The following AANAT variants were observed in gnomAD, a reference collection of about 807,000 sequenced individuals.
AANAT encodes the protein aralkylamine N-acetyltransferase.
AANAT carries 11 observed loss-of-function variants against 15.6 expected under a neutral mutation model. The observed-to-expected ratio is 0.71, with a 90% CI of 0.44 to 1.17. The LOEUF (loss-of-function observed/expected upper bound fraction) is 1.17. AANAT is among the 50% of genes most tolerant of loss of function. The probability of loss-of-function intolerance (pLI) is 0.00; values close to 1 mark genes in which losing one functional copy is unlikely to be tolerated. For synonymous variants in AANAT, 139 were observed against 131.5 expected (o/e 1.06, Z -0.39); for missense variants, 286 against 296.3 (o/e 0.97, Z 0.26).
At chr17:76,467,457 T>G (rs1033254748), upstream of AANAT, 2 of 811,464 alleles carry the variant, frequency 2.5e-6, no homozygotes, top group African/African-American at 3.7e-5. Context: ...ATCCCTTCTG[T>G]GCCCAGGGCA....
chr17:76,461,980 C>A (rs12946216), intron 2 of AANAT, among the ~76,000 whole-genome samples: 75,273 of 152,018 alleles, frequency 0.5, 20,598 homozygotes, highest in Non-Finnish European at 0.63. Context: ...GAAGCGGGAG[C>A]CATCCAGGGA....
intron 1 of AANAT, 140 bp from the exon 2 acceptor site, chr17:76,468,532 A>G: frequency 1.4e-6 from 1 of 704,342 alleles, no homozygotes; most frequent in South Asian, 2.0e-5. Flanking sequence ...CTCGGGGACC[A>G]GGTACCTGGG....
rs780002243 is a variant in AANAT at position 76,469,860 on chromosome 17, A to G, written c.514A>G (p.Ser172Gly). Residue 172 changes from serine (S) to glycine (G), a missense_variant, in exon 4 of 4, where the codon AGC (serine) becomes GGC (glycine). Ser to Gly is a moderately conservative substitution (Grantham distance 56). Coordinates refer to ENST00000392492, the MANE Select transcript of AANAT (RefSeq NM_001088.3). The surrounding 1 kb of genome is among the most constrained non-coding windows in gnomAD (Gnocchi z 5.2). ...GCTGGTACCCTTCTATGAGAGGTTC[A>G]GCTTCCACGCCGTGGGCCCCTGCGC... ...DALVPFYERF[S>G]FHAVGPCAIT... 3 of 1,601,736 alleles carry G rather than the reference A, an allele frequency of 1.9e-6. No homozygotes were observed. The highest frequency in any genetic ancestry group is 2.6e-6 in the Non-Finnish European group (3 of 1,175,602).
upstream of AANAT, among the ~76,000 whole-genome samples, chr17:76,466,860 T>C (rs1057321052): frequency 4.6e-5 from 7 of 151,820 alleles, no homozygotes; most frequent in African/African-American, 1.7e-4. Flanking sequence ...CCAAGCTGTG[T>C]GGGTAGGAGC....
At chr17:76,460,736 C>A (rs1430971151) in intron 2 of AANAT, among the ~76,000 whole-genome samples, 1 of 152,082 alleles carries the variant, frequency 6.6e-6, no homozygotes, top group Admixed American at 6.5e-5. Flanking sequence ...GGTGGCAATC[C>A]CTCCCTGCCT....
chr17:76,465,069 T>C (rs1364593207), upstream of AANAT, among the ~76,000 whole-genome samples: 1 of 151,990 alleles, frequency 6.6e-6, no homozygotes, highest in Non-Finnish European at 1.5e-5. Context: ...AGTGCTGGGA[T>C]TACAGGCATG....
At chr17:76,466,074 G>A (rs1598638896), upstream of AANAT, 4 of 1,041,470 alleles carry the variant, frequency 3.8e-6, no homozygotes, top group East Asian at 1.1e-4. Flanking sequence ...GGAAAGAACA[G>A]GGCCATGTGG....
At position 76,469,535 on chromosome 17, in the gene AANAT, C is replaced by T; in HGVS notation, c.319-130C>T. 1 of 1,260,112 alleles carries T rather than the reference C, an allele frequency of 7.9e-7. No homozygotes were observed. The highest frequency in any genetic ancestry group is 1.1e-6 in the Non-Finnish European group (1 of 941,630). The allele number at this position is 1,260,112 out of a possible 1,614,324, so 78.1% of individuals were successfully genotyped here. The stretch of plus-strand genomic sequence containing the variant: ...GGGGTATGGCTCCCAATTTGGGGCC[C>T]TCCTTTGCTGGGGTGGGTGCCCTGA... On this transcript the variant is annotated intron_variant, in intron 3 of 3. Transcript: ENST00000392492. The surrounding 1 kb of genome is among the most constrained non-coding windows in gnomAD (Gnocchi z 5.2).
In AANAT at chr17:76,469,083, C is replaced by T. The variant is rs754611615; in HGVS notation, c.164-90C>T. ...CTAACCCCCATTTTCCTGTGGGGAA[C>T]GGGGCATCTGAGTGGACACTCGGGG... On this transcript the variant is annotated intron_variant, in intron 2 of 3. Coordinates refer to ENST00000392492, the MANE Select transcript of AANAT (RefSeq NM_001088.3). This position sits in a 1 kb window ranked among gnomAD's most constrained non-coding sequence, Gnocchi z 5.2. 40 of 1,558,942 alleles carry T rather than the reference C, an allele frequency of 2.6e-5. 1 individual carries two copies. Among genetic ancestry groups the T allele is most frequent in the South Asian group, 1.3e-4 (11 of 85,124 alleles).
chr17:76,455,568 T>C (rs952461570), intron 1 of AANAT, among the ~76,000 whole-genome samples: 4 of 152,212 alleles, frequency 2.6e-5, no homozygotes, highest in Non-Finnish European at 4.4e-5. Flanking sequence ...GCCCTAACCT[T>C]TCTCAGTCAA....
chr17:76,459,742 A>G (rs1377700802), intron 2 of AANAT, among the ~76,000 whole-genome samples: 3 of 152,252 alleles, frequency 2.0e-5, no homozygotes, highest in African/African-American at 4.8e-5. Context: ...AGGTGGGAAT[A>G]ATAATAATAC....
intron 1 of AANAT, among the ~76,000 whole-genome samples, chr17:76,456,442 G>GC (rs386386676): frequency 1.3e-5 from 1 of 74,178 alleles, no homozygotes; most frequent in Admixed American, 1.4e-4. Flanking sequence ...GGATCAGGGT[G>GC]GTTGTCAATG....
chr17:76,469,142 A>G lies in AANAT; in HGVS notation c.164-31A>G. 6.2e-7 allele frequency: 1 copy of G among 1,612,874 alleles called. No homozygotes were observed. On this transcript the variant is annotated intron_variant, in intron 2 of 3. Coordinates refer to ENST00000392492, the MANE Select transcript of AANAT (RefSeq NM_001088.3). The surrounding 1 kb of genome is among the most constrained non-coding windows in gnomAD (Gnocchi z 5.2). ...ACAGTGGACGCGAGGCACAGCGACT[A>G]CCAGTCACCCACCTGAGCCTCCTGC...
chr17:76,454,155 A>G (rs962548801), intron 1 of AANAT, among the ~76,000 whole-genome samples: 2 of 152,180 alleles, frequency 1.3e-5, no homozygotes, highest in African/African-American at 4.8e-5. Context: ...CAGAACTGTT[A>G]TGGTCTGCTC....
chr17:76,466,223 G>C (rs2073437001), upstream of AANAT: 2 of 1,534,762 alleles, frequency 1.3e-6, no homozygotes, highest in African/African-American at 1.4e-5. Flanking sequence ...GGGGACCCTG[G>C]AGGTTGAAGG....
chr17:76,469,573 A>C lies in AANAT; in HGVS notation c.319-92A>C. 1.4e-6 allele frequency: 2 copies of C among 1,383,632 alleles called. No homozygotes were observed. Among genetic ancestry groups the C allele is most frequent in the Non-Finnish European group, 1.9e-6 (2 of 1,053,880 alleles). The allele number at this position is 1,383,632 out of a possible 1,614,324, so 85.7% of individuals were successfully genotyped here. Reference sequence around the variant, plus strand: ...GTGGGTGCCCTGACCACAGGCACCCAGGGGACACCTGCTCCCTGCCTGGGT... The same window carrying C: ...GTGGGTGCCCTGACCACAGGCACCCCGGGGACACCTGCTCCCTGCCTGGGT... On this transcript the variant is annotated intron_variant, in intron 3 of 3. Transcript: ENST00000392492. This position sits in a 1 kb window ranked among gnomAD's most constrained non-coding sequence, Gnocchi z 5.2.
chr17:76,464,466 T>C (rs1475168486), upstream of AANAT, among the ~76,000 whole-genome samples: 1 of 152,026 alleles, frequency 6.6e-6, no homozygotes, highest in African/African-American at 2.4e-5. Flanking sequence ...TTGAAATGTG[T>C]AAATCTGTCT....
upstream of AANAT, chr17:76,467,426 G>C (rs1179520948): frequency 2.0e-6 from 1 of 510,548 alleles, no homozygotes; most frequent in Non-Finnish European, 2.5e-6. Flanking sequence ...CAAACCCTGG[G>C]GCCTCAGTCA....
At chr17:76,461,666 A>G (rs139817247) in intron 2 of AANAT, among the ~76,000 whole-genome samples, 2,539 of 150,602 alleles carry the variant, frequency 0.017, 40 homozygotes, top group Non-Finnish European at 0.021. Context: ...CAATCAATCA[A>G]TCAGTCAGTG....
Sources: gnomAD v4.1 joint callset for allele counts (sites outside exome capture counted in the v4.1 genomes callset) on GRCh38, gnomAD v4.1.1 for gene constraint, Gnocchi (gnomAD v3.1) non-coding constraint, MANE v1.5 for transcripts, NCBI Gene and HGNC (gene_info 2026-07-23, HGNC 2026-07-21) for gene names.